Variants in NRG3 observed in about 807,000 individuals in gnomAD.
NRG3 encodes the protein neuregulin 3.
In NRG3, 31 loss-of-function variants were observed where a neutral mutation model predicts 66.9. That is an observed-to-expected ratio of 0.46 (90% CI 0.35 to 0.63). NRG3 has a LOEUF of 0.63. Ranked by LOEUF, NRG3 falls within the 20% of genes least tolerant of loss-of-function variation. The pLI is 0.00. For synonymous variants in NRG3, 393 were observed against 359.4 expected (o/e 1.09, Z -1.06); for missense variants, 910 against 878.9 (o/e 1.04, Z -0.45).
intron 2 of NRG3, among the ~76,000 whole-genome samples, chr10:82,412,196 CAG>C (rs1198466528): frequency 2.6e-5 from 4 of 152,002 alleles, no homozygotes; most frequent in Admixed American, 6.6e-5. Flanking sequence ...CAAATAATGA[CAG>C]GGAATTGTTT....
At chr10:82,220,186 C>CTGTGTG (rs60708384) in intron 1 of NRG3, among the ~76,000 whole-genome samples, 7 of 149,816 alleles carry the variant, frequency 4.7e-5, no homozygotes, top group Non-Finnish European at 8.9e-5. Flanking sequence ...TGTATCTTTA[C>CTGTGTG]TGTGTGTGTG....
At chr10:82,050,729 C>T (rs1465078295) in intron 1 of NRG3, among the ~76,000 whole-genome samples, 1 of 151,912 alleles carries the variant, frequency 6.6e-6, no homozygotes, top group Non-Finnish European at 1.5e-5. Flanking sequence ...CCACTTTAAC[C>T]ACCAAGACTC....
intron 1 of NRG3, among the ~76,000 whole-genome samples, chr10:82,190,690 A>C (rs1265298740): frequency 6.6e-6 from 1 of 152,166 alleles, no homozygotes; most frequent in East Asian, 1.9e-4. Flanking sequence ...CCAGTGAGGA[A>C]GCTTTCAGCT....
intron 2 of NRG3, among the ~76,000 whole-genome samples, chr10:82,569,460 G>T (rs1220922137): frequency 6.6e-6 from 1 of 151,670 alleles, no homozygotes; most frequent in Non-Finnish European, 1.5e-5. Context: ...AACCAGGTCA[G>T]ATATGAGATC....
chr10:82,824,103 A>T (rs1464266924), intron 3 of NRG3, among the ~76,000 whole-genome samples: 1 of 152,120 alleles, frequency 6.6e-6, no homozygotes, highest in Non-Finnish European at 1.5e-5. Flanking sequence ...CCTGTTTCAG[A>T]CATTTTATTT....
At chr10:82,494,673 T>C (rs187860349) in intron 2 of NRG3, among the ~76,000 whole-genome samples, 130 of 152,290 alleles carry the variant, frequency 8.5e-4, no homozygotes, top group Non-Finnish European at 1.5e-3. Context: ...ATTCTCATTC[T>C]CCCTTCTAAA....
At chr10:82,313,427 C>T (rs1385430266) in intron 1 of NRG3, among the ~76,000 whole-genome samples, 2 of 151,992 alleles carry the variant, frequency 1.3e-5, no homozygotes, top group Admixed American at 6.6e-5. Flanking sequence ...ATTATTATGT[C>T]ATCTTTTAGT....
chr10:82,949,620 C>T (rs569436757), intron 4 of NRG3, among the ~76,000 whole-genome samples: 16 of 152,092 alleles, frequency 1.1e-4, no homozygotes, highest in South Asian at 8.3e-4. Context: ...TTTGGGAGGC[C>T]GAGGCAGGCA....
intron 2 of NRG3, among the ~76,000 whole-genome samples, chr10:82,478,122 C>G (rs951994364): frequency 4.6e-5 from 7 of 151,676 alleles, no homozygotes; most frequent in East Asian, 2.0e-4. Flanking sequence ...ATACTAAGCT[C>G]TTTAATAGGG....
At position 82,418,258 on chromosome 10, in the gene NRG3, T is replaced by C. The variant is rs139802808; in HGVS notation, c.953+59390T>C. On this transcript the variant is annotated intron_variant, in intron 2 of 8. Coordinates refer to ENST00000372141, the MANE Select transcript of NRG3 (RefSeq NM_001010848.4). ...AACCAGATTTGGGGATGGTATTTTT[T>C]GAATTTAATTAACTGCTACATGTGA... is the stretch of plus-strand genomic sequence containing the variant. Among the ~76,000 whole-genome samples, 7 of 152,296 alleles carry C rather than the reference T, an allele frequency of 4.6e-5. No individual in the cohort carries two copies. The East Asian group carries it at 1.4e-3, about 29-fold the overall frequency.
chr10:82,614,804 G>A (rs113713057), intron 2 of NRG3, among the ~76,000 whole-genome samples: 1,885 of 151,816 alleles, frequency 0.012, 39 homozygotes, highest in African/African-American at 0.042. Flanking sequence ...TCCAAAACCC[G>A]TAGAAGGGTT....
At chr10:82,618,406 A>T (rs1186028186) in intron 2 of NRG3, among the ~76,000 whole-genome samples, 1 of 152,170 alleles carries the variant, frequency 6.6e-6, no homozygotes, top group Non-Finnish European at 1.5e-5. Context: ...TGAATGAAGT[A>T]AGAGCATCAC....
rs886174181 is a variant in NRG3 at position 81,996,856 on chromosome 10, G to A, written c.823+120693G>A. On this transcript the variant is annotated intron_variant, in intron 1 of 8. Transcript: ENST00000372141. ...TCATTTTGGAACCTTACCAAGTAGT[G>A]CAAATGCTGTGATTTAGTTGAAACT... Among the ~76,000 whole-genome samples the A allele has an allele frequency of 5.3e-4, 80 of 152,120 alleles. 1 individual carries two copies. The highest frequency in any genetic ancestry group is 1.6e-4 in the Non-Finnish European group (11 of 68,006).
intron 1 of NRG3, among the ~76,000 whole-genome samples, chr10:81,952,955 A>G (rs946480537): frequency 2.6e-5 from 4 of 151,982 alleles, no homozygotes; most frequent in South Asian, 2.1e-4. Flanking sequence ...TGGCCAGGCT[A>G]ATGCTTCTCT....
chr10:82,660,196 C>CAAAAAAAAAAAAAAAAA (rs58870828), intron 2 of NRG3, among the ~76,000 whole-genome samples: 9 of 19,562 alleles, frequency 4.6e-4, no homozygotes, highest in Admixed American at 1.2e-3. Flanking sequence ...AACTCCCTCT[C>CAAAAAAAAAAAAAAAAA]AAAAAAAAAA....
intron 1 of NRG3, among the ~76,000 whole-genome samples, chr10:82,271,172 T>G (rs1166561614): frequency 6.6e-6 from 1 of 152,048 alleles, no homozygotes; most frequent in Non-Finnish European, 1.5e-5. Context: ...TAAGGGGATA[T>G]TCTCCCACAA....
At chr10:82,795,975 A>G (rs1304879803) in intron 3 of NRG3, among the ~76,000 whole-genome samples, 1 of 151,832 alleles carries the variant, frequency 6.6e-6, no homozygotes, top group African/African-American at 2.4e-5. Flanking sequence ...CTTTAACTCT[A>G]TTCCTCTCTG....
At chr10:82,855,217 G>A (rs1053595988) in intron 3 of NRG3, among the ~76,000 whole-genome samples, 23 of 152,124 alleles carry the variant, frequency 1.5e-4, no homozygotes, top group Admixed American at 9.2e-4. Flanking sequence ...GTGAATAAAA[G>A]CATGGTATTA....
At chr10:82,966,942 G>T (rs1851266156) in intron 6 of NRG3, among the ~76,000 whole-genome samples, 1 of 151,322 alleles carries the variant, frequency 6.6e-6, no homozygotes, top group African/African-American at 2.4e-5. Context: ...TTGTTGTTGA[G>T]CACTACAAGA....
Sources: allele counts gnomAD v4.1 joint callset (sites outside exome capture counted in the v4.1 genomes callset), GRCh38; gene constraint gnomAD v4.1.1; transcripts MANE v1.5; gene names NCBI Gene and HGNC (gene_info 2026-07-23, HGNC 2026-07-21).